DPP10: variants seen among roughly 807,000 people sequenced by gnomAD.
DPP10 encodes the protein dipeptidyl peptidase like 10.
In DPP10, 33 loss-of-function variants were observed where a neutral mutation model predicts 120.9. The ratio of observed to expected loss-of-function variants is 0.27; its 90% CI spans 0.21 to 0.37. DPP10 has a LOEUF of 0.37. Ranked by LOEUF, DPP10 falls within the 10% of genes least tolerant of loss-of-function variation. The pLI, the probability that DPP10 is intolerant of heterozygous loss-of-function variation, is 1.00. For synonymous variants in DPP10, 337 were observed against 326.1 expected (o/e 1.03, Z -0.36); for missense variants, 816 against 942.8 (o/e 0.87, Z 1.76).
chr2:115,108,420 G>A (rs547591767), intron 1 of DPP10, among the ~76,000 whole-genome samples: 1 of 152,278 alleles, frequency 6.6e-6, no homozygotes, highest in South Asian at 2.1e-4. Flanking sequence ...TTATTTCCTT[G>A]CTGAATGTAA....
At chr2:115,019,698 C>G (rs1187191255) in intron 1 of DPP10, among the ~76,000 whole-genome samples, 1 of 152,146 alleles carries the variant, frequency 6.6e-6, no homozygotes, top group Non-Finnish European at 1.5e-5. Context: ...AAGATCATCA[C>G]CTAGGCACAT....
chr2:114,502,819 T>A (rs1398479083), intron 1 of DPP10, among the ~76,000 whole-genome samples: 1 of 152,208 alleles, frequency 6.6e-6, no homozygotes, highest in Non-Finnish European at 1.5e-5. Flanking sequence ...TACTTTCACA[T>A]GAATTTTTGA....
At chr2:115,209,561 C>G (rs552468215) in intron 1 of DPP10, among the ~76,000 whole-genome samples, 7 of 152,220 alleles carry the variant, frequency 4.6e-5, no homozygotes, top group African/African-American at 1.7e-4. Context: ...TCTATTATTT[C>G]TTTCTTATTA....
intron 1 of DPP10, among the ~76,000 whole-genome samples, chr2:114,740,590 G>A (rs561068839): frequency 5.9e-5 from 9 of 151,872 alleles, no homozygotes; most frequent in South Asian, 2.1e-4. Flanking sequence ...TCTATCCTTC[G>A]TATGATCAGG....
At chr2:115,227,966 G>C (rs1397779958) in intron 1 of DPP10, among the ~76,000 whole-genome samples, 1 of 149,408 alleles carries the variant, frequency 6.7e-6, no homozygotes, top group East Asian at 2.0e-4. Context: ...CTGTCACCCA[G>C]GCTAGAGTGC....
At chr2:115,525,033 T>TAA (rs982787212) in intron 4 of DPP10, among the ~76,000 whole-genome samples, 5 of 152,266 alleles carry the variant, frequency 3.3e-5, no homozygotes, top group East Asian at 1.9e-4. Context: ...CTGGACTTTA[T>TAA]AGAGAGCAGT....
At chr2:115,482,928 A>T (rs1215313860) in intron 3 of DPP10, among the ~76,000 whole-genome samples, 2 of 152,050 alleles carry the variant, frequency 1.3e-5, no homozygotes, top group Non-Finnish European at 2.9e-5. Flanking sequence ...TATGAATTCC[A>T]AAATGCTCAA....
intron 1 of DPP10, among the ~76,000 whole-genome samples, chr2:114,641,921 C>T (rs1478770666): frequency 1.3e-5 from 2 of 151,762 alleles, no homozygotes; most frequent in African/African-American, 2.4e-5. Context: ...TTAGTTTTAG[C>T]GTGACAAAGC....
chr2:114,833,447 ATCTT>A (rs1449184197), intron 1 of DPP10: 1 of 152,230 alleles, frequency 6.6e-6, no homozygotes, highest in African/African-American at 2.4e-5. Flanking sequence ...AATACAAAAA[ATCTT>A]TATTTAGCCA....
rs2089494790 is a variant in DPP10 at position 115,666,830 on chromosome 2, A to G, written c.442-22857A>G. ...CTTTCAGGTTCTTTGAAAAATCACT[A>G]AATTGCCTCCCACAGTGTCTGAACT... is the stretch of plus-strand genomic sequence containing the variant. On this transcript the variant is annotated intron_variant, in intron 5 of 25. Transcript: ENST00000410059. Among the ~76,000 whole-genome samples the G allele has an allele frequency of 3.9e-5, 6 of 152,158 alleles. No homozygotes were observed. In the South Asian group the frequency reaches 1.2e-3, roughly 32 times the overall value.
chr2:115,274,322 C>T (rs2059821335), intron 1 of DPP10, among the ~76,000 whole-genome samples: 1 of 152,146 alleles, frequency 6.6e-6, no homozygotes, highest in Non-Finnish European at 1.5e-5. Context: ...TTCTTTAACA[C>T]TAGAACCTGC....
At chr2:115,429,261 C>T (rs1446846085) in intron 3 of DPP10, among the ~76,000 whole-genome samples, 1 of 151,616 alleles carries the variant, frequency 6.6e-6, no homozygotes, top group Non-Finnish European at 1.5e-5. Flanking sequence ...ATACGTGCAT[C>T]TGCTTTTCTT....
intron 4 of DPP10, among the ~76,000 whole-genome samples, chr2:115,514,201 A>C (rs2077380370): frequency 6.6e-6 from 1 of 151,880 alleles, no homozygotes; most frequent in Admixed American, 6.6e-5. Flanking sequence ...TCTTTGTCTA[A>C]GTTTTGTCAA....
intron 1 of DPP10, among the ~76,000 whole-genome samples, chr2:114,940,409 C>CAG (rs780184271): frequency 6.6e-6 from 1 of 151,902 alleles, no homozygotes; most frequent in East Asian, 1.9e-4. Context: ...CTCTAGGGAT[C>CAG]AGAGAGAGAG....
intron 3 of DPP10, among the ~76,000 whole-genome samples, chr2:115,380,248 C>T (rs2066202996): frequency 1.3e-5 from 2 of 152,222 alleles, no homozygotes; most frequent in Admixed American, 6.5e-5. Flanking sequence ...GTATTGGGTG[C>T]ATATATATTT....
In DPP10 at chr2:114,800,199, G is replaced by A. The variant is rs565342867; in HGVS notation, c.60+357361G>A. ...AAGAAAACCTTGAACTTGTGATTGA[G>A]TGAAAGGGAAACATCCATAATGTTG... is the stretch of plus-strand genomic sequence containing the variant. On this transcript the variant is annotated intron_variant, in intron 1 of 25. Coordinates refer to ENST00000410059, the MANE Select transcript of DPP10 (RefSeq NM_020868.6). 3.3e-5 allele frequency among the ~76,000 whole-genome samples: 5 copies of A among 152,308 alleles called. No homozygotes were observed. The East Asian group carries it at 7.7e-4, about 24-fold the overall frequency.
At chr2:114,516,971 T>C (rs144425505) in intron 1 of DPP10, among the ~76,000 whole-genome samples, 8 of 152,344 alleles carry the variant, frequency 5.3e-5, no homozygotes, top group African/African-American at 1.9e-4. Context: ...TTATAGCAAC[T>C]TTGGTGGATA....
At chr2:114,967,894 G>C (rs867236920) in intron 1 of DPP10, among the ~76,000 whole-genome samples, 6 of 151,920 alleles carry the variant, frequency 3.9e-5, no homozygotes, top group African/African-American at 1.5e-4. Flanking sequence ...CATCACTTGG[G>C]GGCTTATTAG....
intron 8 of DPP10, among the ~76,000 whole-genome samples, chr2:115,733,504 A>G (rs2092958659): frequency 6.6e-6 from 1 of 151,958 alleles, no homozygotes; most frequent in South Asian, 2.1e-4. Context: ...CCAAGACTGC[A>G]GTGGATGGAC....
Sources: gnomAD v4.1 joint callset for allele counts (sites outside exome capture counted in the v4.1 genomes callset) on GRCh38, gnomAD v4.1.1 for gene constraint, MANE v1.5 for transcripts, NCBI Gene and HGNC (gene_info 2026-07-23, HGNC 2026-07-21) for gene names.